MAP2K4: variants seen among roughly 807,000 people sequenced by gnomAD.
MAP2K4 encodes the protein mitogen-activated protein kinase kinase 4.
MAP2K4 carries 4 observed loss-of-function variants against 48.5 expected under a neutral mutation model. That is an observed-to-expected ratio of 0.08 (90% CI 0.04 to 0.19). MAP2K4 has a LOEUF of 0.19. Ranked by LOEUF, MAP2K4 falls within the 10% of genes least tolerant of loss-of-function variation. MAP2K4 has a pLI of 1.00. For missense variants in MAP2K4, 258 were observed against 493.3 expected (o/e 0.52, Z 4.52); for synonymous variants, 166 against 173.1 (o/e 0.96, Z 0.32).
intron 1 of MAP2K4, among the ~76,000 whole-genome samples, chr17:12,031,443 C>T (rs758799958): frequency 2.0e-5 from 3 of 152,144 alleles, no homozygotes; most frequent in African/African-American, 4.8e-5. Flanking sequence ...AAAACACAAG[C>T]GTAGATAGAC....
chr17:12,057,372 A>G (rs929923770), intron 2 of MAP2K4, among the ~76,000 whole-genome samples: 1 of 152,164 alleles, frequency 6.6e-6, no homozygotes, highest in Non-Finnish European at 1.5e-5. Flanking sequence ...TATGCACAAG[A>G]GAAGTTTTGG....
At position 12,098,256 on chromosome 17, in the gene MAP2K4, G is replaced by C. The variant is rs543292094; in HGVS notation, c.513+2562G>C. On this transcript the variant is annotated intron_variant, in intron 4 of 10. Coordinates refer to ENST00000353533, the MANE Select transcript of MAP2K4 (RefSeq NM_003010.4). ...GCACTTCAGGAGGCCGAGGTGGGCG[G>C]ATCACGAGGTCAGGAGCCCGAGACC... 2.0e-5 allele frequency among the ~76,000 whole-genome samples: 3 copies of C among 152,196 alleles called. No homozygotes were observed. In the East Asian group the frequency reaches 5.8e-4, roughly 29 times the overall value.
chr17:12,054,768 C>T, intron 1 of MAP2K4, 121 bp from the exon 2 acceptor site: 4 of 552,402 alleles, frequency 7.2e-6, no homozygotes, highest in Non-Finnish European at 1.3e-5. Flanking sequence ...AAAATATTGT[C>T]CTATATTAAC....
intron 1 of MAP2K4, among the ~76,000 whole-genome samples, chr17:12,034,989 G>C (rs1263132756): frequency 6.6e-6 from 1 of 152,160 alleles, no homozygotes; most frequent in Admixed American, 6.5e-5. Context: ...CTGGAGACTT[G>C]GTAGAGATGG....
intron 7 of MAP2K4, among the ~76,000 whole-genome samples, chr17:12,118,770 G>A (rs185615166): frequency 9.8e-5 from 15 of 152,324 alleles, no homozygotes; most frequent in Admixed American, 7.8e-4. Flanking sequence ...AAGGCGTTTA[G>A]CATGAAGGAT....
intron 1 of MAP2K4, among the ~76,000 whole-genome samples, chr17:12,050,680 A>G (rs1239953685): frequency 6.6e-6 from 1 of 152,200 alleles, no homozygotes; most frequent in Non-Finnish European, 1.5e-5. Flanking sequence ...GTGGAAAGCA[A>G]TGTTAAAAAG....
In MAP2K4 at chr17:12,110,443, AT is replaced by A. The variant is rs965637716; in HGVS notation, c.685+23del. ...TTCACAGAGGTGGGTATGGATTGGT[AT>A]TTTTTGTAATAGAAATTAACTTTTT... On this transcript the variant is annotated intron_variant, in intron 6 of 10. Transcript: ENST00000353533. The A allele has an allele frequency of 2.6e-6, 4 of 1,565,246 alleles. No individual in the cohort carries two copies. The highest frequency in any genetic ancestry group is 1.7e-5 in the Admixed American group (1 of 58,696).
At chr17:12,039,667 C>T (rs1313463935) in intron 1 of MAP2K4, among the ~76,000 whole-genome samples, 1 of 152,144 alleles carries the variant, frequency 6.6e-6, no homozygotes, top group East Asian at 1.9e-4. Flanking sequence ...TAGATAGCTA[C>T]TCAATGTTCA....
chr17:12,073,923 A>G (rs1970907760), intron 2 of MAP2K4, among the ~76,000 whole-genome samples: 1 of 151,730 alleles, frequency 6.6e-6, no homozygotes, highest in Admixed American at 6.6e-5. Flanking sequence ...ACAGGTGCCC[A>G]CCACCACGCC....
chr17:12,060,365 A>G (rs1970409370), intron 2 of MAP2K4, among the ~76,000 whole-genome samples: 1 of 152,178 alleles, frequency 6.6e-6, no homozygotes, highest in Admixed American at 6.5e-5. Context: ...GAATTAAGCC[A>G]GCCTTGCACT....
intron 7 of MAP2K4, among the ~76,000 whole-genome samples, chr17:12,116,593 G>C (rs749461839): frequency 1.3e-5 from 2 of 151,886 alleles, no homozygotes; most frequent in Non-Finnish European, 2.9e-5. Context: ...TCTTTATTCC[G>C]TAAGGCTATT....
intron 2 of MAP2K4, among the ~76,000 whole-genome samples, chr17:12,072,996 G>C (rs992266015): frequency 6.6e-6 from 1 of 152,130 alleles, no homozygotes; most frequent in African/African-American, 2.4e-5. Flanking sequence ...CTTTGTAAAA[G>C]CAATCTGAGG....
At chr17:12,021,538 G>C (rs957480001) in intron 1 of MAP2K4, 2 of 150,784 alleles carry the variant, frequency 1.3e-5, no homozygotes, top group Non-Finnish European at 3.0e-5. Flanking sequence ...GGACCACCGA[G>C]CTGACCTCGG....
intron 1 of MAP2K4, among the ~76,000 whole-genome samples, chr17:12,043,433 T>C (rs1969858703): frequency 6.6e-6 from 1 of 152,156 alleles, no homozygotes; most frequent in Non-Finnish European, 1.5e-5. Context: ...TAGCATCAGA[T>C]CTCACAAGTT....
intron 1 of MAP2K4, among the ~76,000 whole-genome samples, chr17:12,045,773 C>T (rs1239892390): frequency 6.6e-6 from 1 of 152,174 alleles, no homozygotes; most frequent in African/African-American, 2.4e-5. Flanking sequence ...CCACTGTTGA[C>T]TGTTGTACAT....
intron 2 of MAP2K4, among the ~76,000 whole-genome samples, chr17:12,073,297 T>G (rs886101716): frequency 6.6e-5 from 10 of 152,312 alleles, no homozygotes; most frequent in African/African-American, 1.9e-4. Flanking sequence ...GAATTTTATC[T>G]GGGAAGTGTC....
intron 9 of MAP2K4, among the ~76,000 whole-genome samples, chr17:12,135,769 C>G (rs898995427): frequency 2.7e-5 from 4 of 149,650 alleles, no homozygotes; most frequent in African/African-American, 7.4e-5. Context: ...AGGCTAGTCT[C>G]GAACTCCTGA....
In MAP2K4 at chr17:12,114,387, G is replaced by GGTGTGTGTGTGT. The variant is rs61666948; in HGVS notation, c.813+1046_813+1057dup. On this transcript the variant is annotated intron_variant, in intron 7 of 10. Coordinates refer to ENST00000353533, the MANE Select transcript of MAP2K4 (RefSeq NM_003010.4). ...TTTCTTCAGATGAACATGTAAAAGC[G>GGTGTGTGTGTGT]GTGTGTGTGTGTGTGTGTGTGTGTG... 1.9e-3 allele frequency among the ~76,000 whole-genome samples: 289 copies of GGTGTGTGTGTGT among 149,256 alleles called. 2 individuals carry two copies. The highest frequency in any genetic ancestry group is 6.7e-3 in the African/African-American group (273 of 40,662).
At chr17:12,082,019 G>C (rs1397851509) in intron 3 of MAP2K4, 3 of 511,126 alleles carry the variant, frequency 5.9e-6, no homozygotes, top group East Asian at 1.1e-4. Flanking sequence ...GCTTCTGTTT[G>C]TTTATTTCAT....
Sources: allele counts gnomAD v4.1 joint callset (sites outside exome capture counted in the v4.1 genomes callset), GRCh38; gene constraint gnomAD v4.1.1; transcripts MANE v1.5; gene names NCBI Gene and HGNC (gene_info 2026-07-23, HGNC 2026-07-21).